ABR: variants seen among roughly 807,000 people sequenced by gnomAD.
ABR encodes ABR activator of RhoGEF and GTPase, also known as active breakpoint cluster region-related protein.
In ABR, 35 loss-of-function variants were observed where a neutral mutation model predicts 107.2. The ratio of observed to expected loss-of-function variants is 0.33; its 90% confidence interval spans 0.25 to 0.43. The LOEUF (loss-of-function observed/expected upper bound fraction) is 0.43, where lower values mean the gene tolerates loss of function less well. ABR is among the 20% of genes least tolerant of loss of function. The pLI is 1.00. For synonymous variants in ABR, 498 were observed against 462.0 expected, an observed-to-expected ratio of 1.08 and a Z score of -1.00; for missense variants, 815 against 1,115.2, an observed-to-expected ratio of 0.73 and a Z score of 3.83.
At chr17:1,063,981 A>T (rs1450769653) in intron 10 of ABR, among the ~76,000 whole-genome samples, 5 of 144,248 alleles carry the variant, frequency 3.5e-5, no homozygotes, top group African/African-American at 1.0e-4. Context: ...GTTCCTCTAG[A>T]CACTGTTATG....
Position 1,179,719 on chromosome 17 carries a change from C to T in ABR, c.9G>A (p.Pro3=). Residue 3 remains proline, a synonymous_variant, in exon 1 of 23, where the codon CCG becomes CCA. Coordinates refer to ENST00000302538, the MANE Select transcript of ABR (RefSeq NM_021962.5). The surrounding 1 kb of genome is among the most constrained non-coding windows in gnomAD (Gnocchi z 4.9). ME[P]LSHRGLPRLS... ...GGCGCGGCAGGCCCCGGTGGCTGAGCGGCTCCATCCCGCGGCGGCGGCTCG... is the reference window on the plus strand; with the variant it reads ...GGCGCGGCAGGCCCCGGTGGCTGAGTGGCTCCATCCCGCGGCGGCGGCTCG... The T allele has an allele frequency of 1.3e-6, 2 of 1,533,528 alleles. No individual in the cohort carries two copies. Among genetic ancestry groups the T allele is most frequent in the South Asian group, 2.4e-5 (2 of 83,086 alleles). The allele number at this position is 1,533,528 out of a possible 1,614,324, so 95.0% of individuals were successfully genotyped here.
chr17:1,175,240 C>T (rs1320582680), intron 1 of ABR, among the ~76,000 whole-genome samples: 7 of 151,940 alleles, frequency 4.6e-5, no homozygotes, highest in South Asian at 2.1e-4. Context: ...GGTGAAACCC[C>T]GTCTCTACTA....
At chr17:1,215,291 C>T (rs1206320122) in intron 1 of ABR, among the ~76,000 whole-genome samples, 2 of 151,812 alleles carry the variant, frequency 1.3e-5, no homozygotes, top group Admixed American at 1.3e-4. Context: ...GATGCCGAGC[C>T]GAAGCTGGAC....
rs2070577256 is a variant in ABR, at chr17:1,011,800, G to C, written c.2101+46C>G. On this transcript the variant is annotated intron_variant, in intron 19 of 22. Transcript: ENST00000302538. The surrounding 1 kb of genome is among the most constrained non-coding windows in gnomAD (Gnocchi z 4.8). The stretch of plus-strand genomic sequence containing the variant: ...GCTCTCCTGTCCATCCCACCAGCCT[G>C]CTCAGACACAGCCACACCTGCCCCG... 1.3e-5 allele frequency: 20 copies of C among 1,535,138 alleles called. No individual in the cohort carries two copies. The highest frequency in any genetic ancestry group is 1.8e-5 in the Non-Finnish European group (20 of 1,135,300).
chr17:1,229,680 C>G (rs939041791), exon 1 of ABR, among the ~76,000 whole-genome samples: 3 of 152,094 alleles, frequency 2.0e-5, no homozygotes, highest in African/African-American at 7.2e-5. Context: ...CCGAAGAGAC[C>G]AGAGGGAAAG....
intron 16 of ABR, among the ~76,000 whole-genome samples, chr17:1,026,653 C>T (rs1043317605): frequency 1.3e-5 from 2 of 152,178 alleles, no homozygotes; most frequent in South Asian, 2.1e-4. Context: ...ACTGACGCTG[C>T]GTTTCTCCCC....
intron 3 of ABR, among the ~76,000 whole-genome samples, chr17:1,099,209 G>T (rs1486682697): frequency 6.6e-6 from 1 of 151,684 alleles, no homozygotes; most frequent in Non-Finnish European, 1.5e-5. Flanking sequence ...TGAGTAACTG[G>T]GATTACAGGT....
chr17:1,058,874 G>A lies in ABR; in HGVS notation c.1183-7C>T. Reference sequence around the variant, plus strand: ...TCTGGCCTTTGTTGGCTTTCTGCAGGAGATGGGGACACAGAGGGTTCCCCT... The same window carrying A: ...TCTGGCCTTTGTTGGCTTTCTGCAGAAGATGGGGACACAGAGGGTTCCCCT... On this transcript the variant is annotated splice_region_variant and splice_polypyrimidine_tract_variant and intron_variant, in intron 10 of 22. Coordinates refer to ENST00000302538, the MANE Select transcript of ABR (RefSeq NM_021962.5). 1 of 1,613,988 alleles carries A rather than the reference G, an allele frequency of 6.2e-7. No homozygotes were observed. The highest frequency in any genetic ancestry group is 8.5e-7 in the Non-Finnish European group (1 of 1,179,896).
chr17:1,056,460 T>A (rs991825455), intron 13 of ABR, among the ~76,000 whole-genome samples: 4 of 152,128 alleles, frequency 2.6e-5, no homozygotes, highest in Admixed American at 1.3e-4. Context: ...ATTCTGCTAA[T>A]GATTTATGTC....
At chr17:1,022,212 C>T (rs1266013705) in intron 16 of ABR, among the ~76,000 whole-genome samples, 1 of 152,108 alleles carries the variant, frequency 6.6e-6, no homozygotes, top group African/African-American at 2.4e-5. Flanking sequence ...GCACATTTCA[C>T]GCCTGCCCTG....
At chr17:1,113,590 T>G (rs997625983) in intron 2 of ABR, among the ~76,000 whole-genome samples, 1 of 152,074 alleles carries the variant, frequency 6.6e-6, no homozygotes, top group Non-Finnish European at 1.5e-5. Context: ...CCTGGCCCAC[T>G]GCTTATTTTT....
At chr17:1,063,496 A>G (rs1207060940) in intron 10 of ABR, among the ~76,000 whole-genome samples, 10 of 147,716 alleles carry the variant, frequency 6.8e-5, no homozygotes, top group African/African-American at 2.2e-4. Context: ...ACTGAGGGCT[A>G]TGCATGTTCC....
intron 2 of ABR, among the ~76,000 whole-genome samples, chr17:1,123,698 G>A (rs942515949): frequency 3.3e-5 from 5 of 152,190 alleles, no homozygotes; most frequent in Admixed American, 3.3e-4. Flanking sequence ...CCCCCCGGGC[G>A]GGGCTCTGAG....
rs1009784425 is a variant in ABR, at chr17:1,018,392, C to T, written c.1792-5228G>A. On this transcript the variant is annotated intron_variant, in intron 16 of 22. Transcript: ENST00000302538. ...ATTGCAGTTGTATGTATTTATGGGG[C>T]GCAGTTCGATGTTTTGAGACCACCC... Among the ~76,000 whole-genome samples, 45 of 152,154 alleles carry T rather than the reference C, an allele frequency of 3.0e-4. 3 individuals carry two copies. Among genetic ancestry groups the T allele is most frequent in the Non-Finnish European group, 1.5e-5 (1 of 68,022 alleles).
intron 4 of ABR, among the ~76,000 whole-genome samples, chr17:1,086,527 G>A (rs1281903312): frequency 6.7e-6 from 1 of 149,038 alleles, no homozygotes; most frequent in East Asian, 2.0e-4. Context: ...TTGAGATGGA[G>A]TCTCGCTCTG....
chr17:1,137,962 A>G (rs1368183469), intron 1 of ABR, among the ~76,000 whole-genome samples: 1 of 151,056 alleles, frequency 6.6e-6, no homozygotes, highest in Non-Finnish European at 1.5e-5. Context: ...GAGCAGTGGC[A>G]CAATTTCGGC....
intron 4 of ABR, among the ~76,000 whole-genome samples, chr17:1,085,990 T>A (rs1184045970): frequency 1.3e-4 from 19 of 151,864 alleles, no homozygotes; most frequent in Admixed American, 1.2e-3. Context: ...CCACTAAAGA[T>A]ACAAAATTAT....
Position 1,078,774 on chromosome 17 carries a change from G to A in ABR, c.700+556C>T. ...CCCACTCCAGCCGGCCCCCAGAGGT[G>A]GGAGGGTCCGCCACCTCCCACAGCG... On this transcript the variant is annotated intron_variant, in intron 6 of 22. Coordinates refer to ENST00000302538, the MANE Select transcript of ABR (RefSeq NM_021962.5). The surrounding 1 kb of genome is among the most constrained non-coding windows in gnomAD (Gnocchi z 7.5). 3.3e-6 allele frequency: 5 copies of A among 1,531,506 alleles called. No homozygotes were observed. The highest frequency in any genetic ancestry group is 4.4e-6 in the Non-Finnish European group (5 of 1,143,474). 94.9% of individuals were successfully genotyped at this position (1,531,506 alleles called of 1,614,324 possible).
chr17:1,226,438 G>A (rs757530189), intron 1 of ABR, among the ~76,000 whole-genome samples: 3 of 152,104 alleles, frequency 2.0e-5, no homozygotes, highest in Non-Finnish European at 2.9e-5. Flanking sequence ...GTATATACGT[G>A]TGCAGGTGTG....
Sources: allele counts gnomAD v4.1 joint callset (sites outside exome capture counted in the v4.1 genomes callset), GRCh38; gene constraint gnomAD v4.1.1; non-coding constraint Gnocchi (gnomAD v3.1); transcripts MANE v1.5; gene names NCBI Gene and HGNC (gene_info 2026-07-23, HGNC 2026-07-21).